PTPRR: variants seen among roughly 807,000 people sequenced by gnomAD.
PTPRR encodes receptor-type tyrosine-protein phosphatase R.
A neutral mutation model predicts 77.2 loss-of-function variants in PTPRR; 38 were observed. The ratio of observed to expected loss-of-function variants is 0.49; its 90% CI spans 0.38 to 0.65. PTPRR has a LOEUF of 0.65. Ranked by LOEUF, PTPRR falls within the 30% of genes least tolerant of loss-of-function variation. The probability of loss-of-function intolerance (pLI) is 0.00; values close to 1 mark genes in which losing one functional copy is unlikely to be tolerated. For missense variants in PTPRR, 744 were observed against 799.2 expected (o/e 0.93, Z 0.83); for synonymous variants, 299 against 283.1 (o/e 1.06, Z -0.57).
rs569812971 is a variant in PTPRR, at chr12:70,722,559, T to C, written c.1008-21236A>G. On this transcript the variant is annotated intron_variant, in intron 6 of 13. Coordinates refer to ENST00000283228, the MANE Select transcript of PTPRR (RefSeq NM_002849.4). ...AGCTTGACTTGGAGGGACGCGGAGGTCATCCGGCTTGACTTTGTGCTTAGC... is the reference window on the plus strand; with the variant it reads ...AGCTTGACTTGGAGGGACGCGGAGGCCATCCGGCTTGACTTTGTGCTTAGC... Among the ~76,000 whole-genome samples, 57 of 152,118 alleles carry C rather than the reference T, an allele frequency of 3.7e-4. 1 individual carries two copies. In the South Asian group the frequency reaches 0.011, roughly 28 times the overall value.
chr12:70,912,959 A>T (rs1219079887), intron 1 of PTPRR, among the ~76,000 whole-genome samples: 5 of 152,136 alleles, frequency 3.3e-5, no homozygotes, highest in Non-Finnish European at 7.4e-5. Flanking sequence ...CTCATGGGCC[A>T]AGTAGAATCT....
At chr12:70,838,899 T>C (rs1892348992) in intron 2 of PTPRR, among the ~76,000 whole-genome samples, 1 of 152,164 alleles carries the variant, frequency 6.6e-6, no homozygotes, top group Non-Finnish European at 1.5e-5. Context: ...TTTTGTTAAC[T>C]AGTAGAATCT....
intron 2 of PTPRR, among the ~76,000 whole-genome samples, chr12:70,781,730 T>A (rs1482193224): frequency 6.6e-6 from 1 of 152,152 alleles, no homozygotes; most frequent in Non-Finnish European, 1.5e-5. Context: ...AGACCAATTT[T>A]GATCAGAACA....
chr12:70,814,176 A>G (rs1159684889), intron 2 of PTPRR, among the ~76,000 whole-genome samples: 1 of 152,192 alleles, frequency 6.6e-6, no homozygotes, highest in East Asian at 1.9e-4. Flanking sequence ...ATAACAAGAG[A>G]GAAAACTCTT....
chr12:70,691,860 T>G (rs1313938925), intron 8 of PTPRR, among the ~76,000 whole-genome samples: 1 of 152,170 alleles, frequency 6.6e-6, no homozygotes, highest in African/African-American at 2.4e-5. Flanking sequence ...CTTGCTTTTT[T>G]CCAATCCATC....
chr12:70,782,610 GT>G (rs1309656787), intron 2 of PTPRR, among the ~76,000 whole-genome samples: 1 of 151,704 alleles, frequency 6.6e-6, no homozygotes. Context: ...AACACCGCAT[GT>G]TCTCACTCAT....
At chr12:70,805,778 T>C (rs1891699522) in intron 2 of PTPRR, among the ~76,000 whole-genome samples, 1 of 152,254 alleles carries the variant, frequency 6.6e-6, no homozygotes, top group Non-Finnish European at 1.5e-5. Context: ...GAAATTCGGA[T>C]GCATTGCTCA....
chr12:70,666,935 GTTTTTTTTTTTTTTTTTTTTT>G (rs142691396), intron 10 of PTPRR, among the ~76,000 whole-genome samples: 166 of 29,044 alleles, frequency 5.7e-3, no homozygotes, highest in Middle Eastern at 0.071. Flanking sequence ...GTGTTTTTCT[GTTTTTTTTTTTTTTTTTTTTT>G]TTTTTTTTTT....
intron 2 of PTPRR, among the ~76,000 whole-genome samples, chr12:70,872,308 T>C (rs1892971783): frequency 6.6e-6 from 1 of 152,160 alleles, no homozygotes; most frequent in African/African-American, 2.4e-5. Context: ...GGAAATGGTC[T>C]TCCTGAGTTT....
chr12:70,802,568 A>G (rs1465311533), intron 2 of PTPRR, among the ~76,000 whole-genome samples: 1 of 152,216 alleles, frequency 6.6e-6, no homozygotes, highest in African/African-American at 2.4e-5. Flanking sequence ...AATAAGTCAC[A>G]TTAAAGTGCT....
chr12:70,910,716 G>A (rs1345103499), intron 1 of PTPRR, among the ~76,000 whole-genome samples: 1 of 152,140 alleles, frequency 6.6e-6, no homozygotes, highest in Non-Finnish European at 1.5e-5. Context: ...ATGCCTGATG[G>A]GAAATCCTGA....
chr12:70,642,528 G>T (rs1186564810), intron 13 of PTPRR, among the ~76,000 whole-genome samples: 1 of 152,106 alleles, frequency 6.6e-6, no homozygotes, highest in Non-Finnish European at 1.5e-5. Flanking sequence ...ATATGAGTAA[G>T]TTGATATCAT....
chr12:70,815,621 GCAT>G (rs1891889853), intron 2 of PTPRR, among the ~76,000 whole-genome samples: 1 of 152,158 alleles, frequency 6.6e-6, no homozygotes. Flanking sequence ...GACAGATTTA[GCAT>G]CATGAAAATG....
chr12:70,890,268 G>A (rs550193494), intron 2 of PTPRR, among the ~76,000 whole-genome samples: 7 of 151,952 alleles, frequency 4.6e-5, no homozygotes, highest in African/African-American at 1.7e-4. Flanking sequence ...GCATTATTTG[G>A]GATAAACATT....
intron 2 of PTPRR, among the ~76,000 whole-genome samples, chr12:70,796,081 G>A (rs909875196): frequency 1.3e-5 from 2 of 151,714 alleles, no homozygotes; most frequent in African/African-American, 2.4e-5. Flanking sequence ...TTGCCATGAA[G>A]CCCGACTAAT....
At chr12:70,658,255 T>C (rs950876793) in intron 12 of PTPRR, among the ~76,000 whole-genome samples, 7 of 152,226 alleles carry the variant, frequency 4.6e-5, no homozygotes, top group African/African-American at 1.7e-4. Context: ...ACCACAACAT[T>C]GATTATTTCA....
At chr12:70,898,025 A>T (rs1184269810) in intron 1 of PTPRR, among the ~76,000 whole-genome samples, 7 of 151,164 alleles carry the variant, frequency 4.6e-5, no homozygotes, top group Non-Finnish European at 8.9e-5. Flanking sequence ...GGGGGAAGGG[A>T]TAACATTAGG....
At chr12:70,647,130 G>T (rs1386331730) in intron 13 of PTPRR, among the ~76,000 whole-genome samples, 1 of 151,678 alleles carries the variant, frequency 6.6e-6, no homozygotes, top group Non-Finnish European at 1.5e-5. Context: ...TTCCATCCTT[G>T]ACTCTTAAAA....
chr12:70,916,675 A>G (rs1893780123), intron 1 of PTPRR, among the ~76,000 whole-genome samples: 1 of 151,938 alleles, frequency 6.6e-6, no homozygotes, highest in Admixed American at 6.6e-5. Flanking sequence ...ATCTTAAAAT[A>G]TATCATTTAC....
Sources: gnomAD v4.1 joint callset for allele counts (sites outside exome capture counted in the v4.1 genomes callset) on GRCh38, gnomAD v4.1.1 for gene constraint, MANE v1.5 for transcripts, NCBI Gene and HGNC (gene_info 2026-07-23, HGNC 2026-07-21) for gene names.